The following TBL1XR1 variants were observed in gnomAD, a reference collection of about 807,000 sequenced individuals.
TBL1XR1 encodes the protein TBL1X/Y related 1.
Under a neutral mutation model 66.9 loss-of-function variants are expected in TBL1XR1, and 5 were observed. The ratio of observed to expected loss-of-function variants is 0.07; its 90% CI spans 0.04 to 0.16. TBL1XR1 has a LOEUF of 0.16. Among genes scored for constraint, TBL1XR1 ranks in the 10% least tolerant of loss-of-function variants. TBL1XR1 has a pLI of 1.00. For synonymous variants in TBL1XR1, 210 were observed against 206.0 expected, an observed-to-expected ratio of 1.02 and a Z score of -0.17; for missense variants, 238 against 623.2, an observed-to-expected ratio of 0.38 and a Z score of 6.58.
At chr3:177,139,890 T>G (rs1369346452) in intron 1 of TBL1XR1, among the ~76,000 whole-genome samples, 1 of 152,154 alleles carries the variant, frequency 6.6e-6, no homozygotes, top group African/African-American at 2.4e-5. Flanking sequence ...CAGTAAAATT[T>G]CAGAATGCCA....
chr3:177,194,797 T>A (rs991780869), intron 1 of TBL1XR1, among the ~76,000 whole-genome samples: 2 of 152,180 alleles, frequency 1.3e-5, no homozygotes, highest in African/African-American at 4.8e-5. Context: ...TTTAATTAGG[T>A]GTCGAGAATA....
At chr3:177,071,031 G>GTTTTTTTTTTTT (rs764951521) in intron 2 of TBL1XR1, among the ~76,000 whole-genome samples, 6,022 of 104,024 alleles carry the variant, frequency 0.058, 739 homozygotes, top group East Asian at 0.099. Context: ...CTGAGAATCT[G>GTTTTTTTTTTTT]TTTTTTTTTT....
chr3:177,129,722 G>A (rs1320258551), intron 1 of TBL1XR1, among the ~76,000 whole-genome samples: 4 of 152,174 alleles, frequency 2.6e-5, no homozygotes, highest in East Asian at 3.9e-4. Context: ...ACAAGATACC[G>A]TTCTTTATCC....
chr3:177,051,001 A>G (rs913713360), intron 5 of TBL1XR1, among the ~76,000 whole-genome samples: 8 of 152,166 alleles, frequency 5.3e-5, no homozygotes, highest in African/African-American at 1.7e-4. Flanking sequence ...TCGATGTCAG[A>G]GCTCTATGGT....
At chr3:177,151,975 G>C (rs1415231066) in intron 1 of TBL1XR1, among the ~76,000 whole-genome samples, 2 of 152,178 alleles carry the variant, frequency 1.3e-5, no homozygotes, top group Non-Finnish European at 2.9e-5. Flanking sequence ...AGTGAGCCAA[G>C]ATAGCGCCAT....
intron 9 of TBL1XR1, 72 bp downstream of exon 9, chr3:177,047,228 G>C: frequency 7.8e-7 from 1 of 1,278,272 alleles, no homozygotes; most frequent in South Asian, 1.5e-5. Context: ...GTAATTGGCA[G>C]CTAAGACAAA....
chr3:177,135,727 T>C (rs972313241), intron 1 of TBL1XR1, among the ~76,000 whole-genome samples: 25 of 151,240 alleles, frequency 1.7e-4, no homozygotes, highest in South Asian at 2.1e-4. Flanking sequence ...TAACAAGATA[T>C]TATTTCCAGC....
At chr3:177,119,913 A>G (rs994804133) in intron 1 of TBL1XR1, among the ~76,000 whole-genome samples, 1 of 152,192 alleles carries the variant, frequency 6.6e-6, no homozygotes, top group African/African-American at 2.4e-5. Flanking sequence ...TCAGGGAGAA[A>G]GAGTTGGGAT....
At chr3:177,138,390 T>C (rs747891492) in intron 1 of TBL1XR1, among the ~76,000 whole-genome samples, 4 of 151,740 alleles carry the variant, frequency 2.6e-5, no homozygotes, top group South Asian at 2.1e-4. Context: ...AGCCCAGGAG[T>C]GTGAGGCCAG....
At chr3:177,190,336 C>T (rs184786142) in intron 1 of TBL1XR1, among the ~76,000 whole-genome samples, 3 of 151,968 alleles carry the variant, frequency 2.0e-5, no homozygotes, top group Non-Finnish European at 4.4e-5. Context: ...GTGTATGTGA[C>T]GGAGTTGATG....
At chr3:177,190,770 G>A (rs1177591075) in intron 1 of TBL1XR1, among the ~76,000 whole-genome samples, 1 of 152,160 alleles carries the variant, frequency 6.6e-6, no homozygotes, top group African/African-American at 2.4e-5. Flanking sequence ...CATTACAGTG[G>A]AACAGGGCTG....
chr3:177,072,571 C>T (rs753838116), intron 2 of TBL1XR1, among the ~76,000 whole-genome samples: 9 of 151,980 alleles, frequency 5.9e-5, no homozygotes, highest in Non-Finnish European at 1.2e-4. Context: ...TTTTAATATG[C>T]TGTGTGTGTA....
At chr3:177,120,714 T>A (rs1726886114) in intron 1 of TBL1XR1, 1 of 152,076 alleles carries the variant, frequency 6.6e-6, no homozygotes, top group Non-Finnish European at 1.5e-5. Flanking sequence ...AGTGCAATAG[T>A]GAAAAGGGGG....
chr3:177,180,413 A>C, intron 1 of TBL1XR1, among the ~76,000 whole-genome samples: 1 of 142,182 alleles, frequency 7.0e-6, no homozygotes, highest in Non-Finnish European at 1.5e-5. Flanking sequence ...TGTTTTAACA[A>C]CATTCAGAGG....
At chr3:177,194,797 T>C (rs991780869) in intron 1 of TBL1XR1, among the ~76,000 whole-genome samples, 2 of 152,180 alleles carry the variant, frequency 1.3e-5, no homozygotes, top group Admixed American at 6.5e-5. Flanking sequence ...TTTAATTAGG[T>C]GTCGAGAATA....
chr3:177,083,587 T>C (rs1303380504), intron 2 of TBL1XR1, among the ~76,000 whole-genome samples: 1 of 152,198 alleles, frequency 6.6e-6, no homozygotes, highest in Non-Finnish European at 1.5e-5. Flanking sequence ...CTCTATTTTA[T>C]CTTAACATTT....
chr3:177,176,085 TAAAC>T (rs1212834701), intron 1 of TBL1XR1, among the ~76,000 whole-genome samples: 2 of 149,804 alleles, frequency 1.3e-5, no homozygotes, highest in African/African-American at 2.5e-5. Context: ...TTAATTAAAA[TAAAC>T]AAATAAATAA....
chr3:177,064,033 A>C (rs775045464), intron 3 of TBL1XR1, among the ~76,000 whole-genome samples: 3 of 152,162 alleles, frequency 2.0e-5, no homozygotes, highest in Non-Finnish European at 4.4e-5. Flanking sequence ...TCAAAACCAT[A>C]AACTGGGGGC....
At chr3:177,059,027 G>C (rs990797256) in intron 3 of TBL1XR1, among the ~76,000 whole-genome samples, 1 of 152,188 alleles carries the variant, frequency 6.6e-6, no homozygotes, top group African/African-American at 2.4e-5. Context: ...AGGTTATTCT[G>C]TATTTCATTT....
Sources: gnomAD v4.1 joint callset for allele counts (sites outside exome capture counted in the v4.1 genomes callset) on GRCh38, gnomAD v4.1.1 for gene constraint, MANE v1.5 for transcripts, NCBI Gene and HGNC (gene_info 2026-07-23, HGNC 2026-07-21) for gene names.